ABCA13: variants seen among roughly 807,000 people sequenced by gnomAD.
ABCA13 encodes the protein ATP binding cassette subfamily A member 13, also known as ATP-binding cassette sub-family A member 13.
In ABCA13, 476 loss-of-function variants were observed where a neutral mutation model predicts 478.7. That is an observed-to-expected ratio of 0.99 (90% CI 0.92 to 1.07). The LOEUF is 1.07. ABCA13 is among the 50% of genes least tolerant of loss of function. The pLI, the probability that ABCA13 is intolerant of heterozygous loss-of-function variation, is 0.00. For synonymous variants in ABCA13, 2,252 were observed against 2,158.9 expected (o/e 1.04, Z -1.20); for missense variants, 6,060 against 5,910.6 (o/e 1.03, Z -0.83).
chr7:48,351,438 T>C (rs1259717779), intron 30 of ABCA13, among the ~76,000 whole-genome samples: 1 of 152,240 alleles, frequency 6.6e-6, no homozygotes, highest in South Asian at 2.1e-4. Context: ...ATATTCCGGA[T>C]GGAGACATCC....
chr7:48,180,413 A>G (rs1375287050), intron 1 of ABCA13, among the ~76,000 whole-genome samples: 1 of 152,016 alleles, frequency 6.6e-6, no homozygotes, highest in East Asian at 1.9e-4. Context: ...CATCATATTG[A>G]TGCTGGATAT....
chr7:48,409,169 C>T (rs1419956227), intron 39 of ABCA13, among the ~76,000 whole-genome samples: 1 of 152,162 alleles, frequency 6.6e-6, no homozygotes, highest in Non-Finnish European at 1.5e-5. Context: ...AAGAATCAGT[C>T]AATGAGTTTC....
At chr7:48,398,039 C>T (rs1358431697) in intron 38 of ABCA13, among the ~76,000 whole-genome samples, 1 of 152,250 alleles carries the variant, frequency 6.6e-6, no homozygotes, top group South Asian at 2.1e-4. Context: ...TGACAGTGGA[C>T]ACTTGGATAT....
intron 30 of ABCA13, 112 bp from the exon 31 acceptor site, chr7:48,352,069 A>C: frequency 9.7e-7 from 1 of 1,035,154 alleles, no homozygotes; most frequent in Admixed American, 2.5e-5. Flanking sequence ...GCAGGAGTGG[A>C]GGGCTGTGAG....
chr7:48,213,660 A>G (rs1181980701), intron 3 of ABCA13, among the ~76,000 whole-genome samples: 2 of 152,208 alleles, frequency 1.3e-5, no homozygotes, highest in African/African-American at 4.8e-5. Flanking sequence ...ATGCTGTTTT[A>G]TAGCATTTAC....
Position 48,248,410 on chromosome 7 carries a change from T to C in ABCA13, c.1831T>C (p.Ser611Pro). ...TCCCTCTCCTGAGAATGATGTCTTT[T>C]CTAGTGACTGTAAGCACCAGCTTGT... ...ADPSPENDVF[S>P]SDCKHQLVST... Residue 611 changes from serine to proline, a missense_variant, in exon 14 of 62, where the codon TCT (serine) becomes CCT (proline). Coordinates refer to ENST00000435803, the MANE Select transcript of ABCA13 (RefSeq NM_152701.5). 6.2e-7 allele frequency: 1 copy of C among 1,611,742 alleles called. No individual in the cohort carries two copies. Among genetic ancestry groups the C allele is most frequent in the Non-Finnish European group, 8.5e-7 (1 of 1,178,704 alleles).
chr7:48,525,613 A>G (rs886962125), intron 54 of ABCA13, among the ~76,000 whole-genome samples: 1 of 149,886 alleles, frequency 6.7e-6, no homozygotes, highest in Non-Finnish European at 1.5e-5. Context: ...AGTATGACCC[A>G]ATTAATGCTA....
chr7:48,631,404 T>C (rs931063014), intron 59 of ABCA13, among the ~76,000 whole-genome samples: 2 of 152,148 alleles, frequency 1.3e-5, no homozygotes, highest in African/African-American at 4.8e-5. Context: ...ATTTATTAAA[T>C]AGGTAGTCCT....
chr7:48,177,135 A>T (rs1007194548), intron 1 of ABCA13, among the ~76,000 whole-genome samples: 2 of 152,234 alleles, frequency 1.3e-5, no homozygotes, highest in African/African-American at 4.8e-5. Flanking sequence ...AAGCCTCAGA[A>T]GTAAAGTATG....
chr7:48,193,343 GAGA>G (rs1262742665), intron 2 of ABCA13, among the ~76,000 whole-genome samples: 2 of 152,234 alleles, frequency 1.3e-5, no homozygotes, highest in African/African-American at 2.4e-5. Flanking sequence ...ATATAGAAAG[GAGA>G]AGAAGTAGAA....
chr7:48,507,424 G>T (rs1259138971), intron 49 of ABCA13, among the ~76,000 whole-genome samples: 1 of 152,150 alleles, frequency 6.6e-6, no homozygotes, highest in Non-Finnish European at 1.5e-5. Context: ...AATCTTGTTG[G>T]TATTTCATGT....
At position 48,411,049 on chromosome 7, in the gene ABCA13, T is replaced by C. The variant is rs200160691; in HGVS notation, c.12228+372T>C. Among the ~76,000 whole-genome samples the C allele has an allele frequency of 2.2e-3, 141 of 64,938 alleles. 1 individual carries two copies. Among genetic ancestry groups the C allele is most frequent in the African/African-American group, 7.0e-3 (136 of 19,446 alleles). 42.6% of individuals were successfully genotyped at this position (64,938 alleles called of 152,430 possible). A position where few individuals can be genotyped will look rare whatever the true frequency, so the allele number is the denominator to read the frequency against. On this transcript the variant is annotated intron_variant, in intron 40 of 61. Transcript: ENST00000435803. Reference sequence around the variant, plus strand: ...TTTCTTTCTTTCTTTCTTTCTTTCTTTTTCTTTCTTTCTTTCTTTCTTTTT... The same window carrying C: ...TTTCTTTCTTTCTTTCTTTCTTTCTCTTTCTTTCTTTCTTTCTTTCTTTTT...
At chr7:48,364,731 T>C (rs766216078) in intron 31 of ABCA13, among the ~76,000 whole-genome samples, 19 of 152,210 alleles carry the variant, frequency 1.2e-4, no homozygotes, top group Admixed American at 3.3e-4. Context: ...TTGCTTCAAA[T>C]AACAGGATTT....
At chr7:48,387,492 G>T (rs915765701) in intron 35 of ABCA13, among the ~76,000 whole-genome samples, 1 of 152,092 alleles carries the variant, frequency 6.6e-6, no homozygotes, top group African/African-American at 2.4e-5. Context: ...AAATAGAAGG[G>T]CAGTGTGGGG....
intron 21 of ABCA13, among the ~76,000 whole-genome samples, 192 bp from the exon 22 acceptor site, chr7:48,297,040 G>T (rs1208153821): frequency 6.6e-6 from 1 of 152,100 alleles, no homozygotes. Context: ...ACTGGAGTGT[G>T]GGTAGTATTA....
chr7:48,227,449 C>CT (rs761456935), intron 6 of ABCA13, 24 bp downstream of exon 6: 57 of 1,611,196 alleles, frequency 3.5e-5, no homozygotes, highest in Admixed American at 1.7e-4. Flanking sequence ...AAAAACATAA[C>CT]TAAGTATCAA....
chr7:48,260,515 G>A (rs985531593), intron 15 of ABCA13, among the ~76,000 whole-genome samples: 3 of 151,960 alleles, frequency 2.0e-5, no homozygotes, highest in African/African-American at 7.2e-5. Context: ...TATGTTAATA[G>A]TGTTCATTTC....
rs1796122943 is a variant in ABCA13 at position 48,275,107 on chromosome 7, A to G, written c.5441A>G (p.Glu1814Gly). ...TCAGATAAGCCAGATATTATTTCAG[A>G]GGCTTTAGCTTGTTTTCCTGTGGTT... ...LVSDKPDIIS[E>G]ALACFPVVWC... The change falls in exon 17 of 62, where the codon GAG becomes GGG. Residue 1814 changes from glutamate to glycine, a missense_variant. Around this residue, in one of 3 missense-constraint regions of ABCA13, gnomAD observed 4,423 missense variants for 4,309.1 expected, o/e 1.03. Transcript: ENST00000435803. The G allele has an allele frequency of 4.3e-6, 7 of 1,613,376 alleles. No homozygotes were observed. The highest frequency in any genetic ancestry group is 5.9e-6 in the Non-Finnish European group (7 of 1,179,674).
In ABCA13 at chr7:48,272,902, T is replaced by A. The variant is rs1363039766; in HGVS notation, c.3236T>A (p.Leu1079Ter). ...LIIDEDFRIS[L>*]FQYMSQFFNS... The stretch of plus-strand genomic sequence containing the variant: ...ATTGATGAAGATTTTCGTATTTCTT[T>A]ATTTCAATATATGAGCCAATTCTTC... Residue 1079 changes from leucine (L) to a stop codon, truncating the protein, a stop_gained, in exon 17 of 62, where the codon TTA (leucine) becomes TAA (stop). Coordinates refer to ENST00000435803, the MANE Select transcript of ABCA13 (RefSeq NM_152701.5). LOFTEE classifies it high-confidence loss of function. 6.2e-7 allele frequency: 1 copy of A among 1,611,142 alleles called. No homozygotes were observed. Among genetic ancestry groups the A allele is most frequent in the East Asian group, 2.2e-5 (1 of 44,804 alleles).
Sources: gnomAD v4.1 joint callset for allele counts (sites outside exome capture counted in the v4.1 genomes callset) on GRCh38, gnomAD v4.1.1 for gene constraint, gnomAD v4.1.1 regional missense constraint, MANE v1.5 for transcripts, NCBI Gene and HGNC (gene_info 2026-07-23, HGNC 2026-07-21) for gene names.